Variants in UBAP2L observed in about 807,000 individuals in gnomAD.
UBAP2L encodes the protein ubiquitin associated protein 2 like, also known as ubiquitin-associated protein 2-like.
Under a neutral mutation model 130.6 loss-of-function variants are expected in UBAP2L, and 12 were observed. The observed-to-expected ratio is 0.09, with a 90% confidence interval of 0.06 to 0.15. UBAP2L has a LOEUF of 0.15. Ranked by LOEUF, UBAP2L falls within the 10% of genes least tolerant of loss-of-function variation. The pLI is 1.00. For synonymous variants in UBAP2L, 503 were observed against 524.7 expected, an observed-to-expected ratio of 0.96 and a Z score of 0.57; for missense variants, 965 against 1,332.5, an observed-to-expected ratio of 0.72 and a Z score of 4.29.
chr1:154,249,175 C>CT lies in UBAP2L; in HGVS notation c.1015-61dup, dbSNP rs770728225. 1.2e-4 allele frequency: 186 copies of CT among 1,541,716 alleles called. 2 individuals carry two copies. The Middle Eastern group carries it at 1.9e-3, about 15-fold the overall frequency. On this transcript the variant is annotated intron_variant, in intron 11 of 26. Coordinates refer to ENST00000428931, the MANE Select transcript of UBAP2L (RefSeq NM_014847.4). ...ACTGGCTCTCGGTCTGGATAAGTGT[C>CT]TTTATGAGTAGCTGAACAAGGTTAC... is the stretch of plus-strand genomic sequence containing the variant.
intron 6 of UBAP2L, 126 bp downstream of exon 6, chr1:154,235,417 G>A: frequency 3.4e-6 from 2 of 582,188 alleles, no homozygotes; most frequent in South Asian, 4.5e-5. Context: ...CAGTGGCACA[G>A]TCATAGCTCA....
upstream of UBAP2L, chr1:154,220,420 T>G: frequency 1.2e-6 from 2 of 1,614,136 alleles, no homozygotes; most frequent in South Asian, 1.1e-5. Flanking sequence ...CCTCCCTACC[T>G]CGCGCAGAAT....
Position 154,257,070 on chromosome 1 carries a change from G to C in UBAP2L, c.2165G>C (p.Ser722Thr). The C allele has an allele frequency of 6.2e-7, 1 of 1,613,404 alleles. No homozygotes were observed. Among genetic ancestry groups the C allele is most frequent in the Non-Finnish European group, 8.5e-7 (1 of 1,179,984 alleles). ...RTSTSTLLHT[S>T]VESEANLHSS... Reference sequence around the variant, plus strand: ...CTGCTCCCCCTTTTGAAGCACACAAGTGTGGAGAGTGAGGCGAATCTCCAT... The same window carrying C: ...CTGCTCCCCCTTTTGAAGCACACAACTGTGGAGAGTGAGGCGAATCTCCAT... Residue 722 changes from serine (S) to threonine (T), a missense_variant, in exon 19 of 27, where the codon AGT (serine) becomes ACT (threonine). Ser to Thr is a moderately conservative substitution (Grantham distance 58, BLOSUM62 1). Around this residue, in one of 9 missense-constraint regions of UBAP2L, gnomAD observed 393 missense variants for 408.1 expected, o/e 0.96. Coordinates refer to ENST00000428931, the MANE Select transcript of UBAP2L (RefSeq NM_014847.4).
At chr1:154,262,736 A>AT (rs1681968183) in intron 24 of UBAP2L, among the ~76,000 whole-genome samples, 1 of 152,142 alleles carries the variant, frequency 6.6e-6, no homozygotes, top group Admixed American at 6.6e-5. Context: ...CATGAGTTAA[A>AT]TTAAACAAAT....
chr1:154,236,749 C>T (rs1671819849), intron 7 of UBAP2L, 138 bp downstream of exon 7: 2 of 835,074 alleles, frequency 2.4e-6, no homozygotes, highest in East Asian at 4.9e-5. Flanking sequence ...TAGGGATAAA[C>T]CTTTACCACC....
chr1:154,245,995 G>T (rs1256824075), intron 10 of UBAP2L, among the ~76,000 whole-genome samples: 1 of 152,150 alleles, frequency 6.6e-6, no homozygotes, highest in Non-Finnish European at 1.5e-5. Flanking sequence ...ATTATTATTG[G>T]CAACATCAGT....
chr1:154,226,565 C>CT (rs542096417), intron 2 of UBAP2L, among the ~76,000 whole-genome samples: 133 of 152,286 alleles, frequency 8.7e-4, no homozygotes, highest in African/African-American at 2.6e-3. Context: ...TGAACATACA[C>CT]TGGATATATA....
rs773271121 is a variant in UBAP2L, at chr1:154,228,777, G to A, written c.279+52G>A. ...ACATGGGTCCTCAATTGGGAGGCTAGTAATGTTCTAAAAGTAGCAAATGGC... is the reference window on the plus strand; with the variant it reads ...ACATGGGTCCTCAATTGGGAGGCTAATAATGTTCTAAAAGTAGCAAATGGC... On this transcript the variant is annotated intron_variant, in intron 4 of 26. Coordinates refer to ENST00000428931, the MANE Select transcript of UBAP2L (RefSeq NM_014847.4). 9 of 1,403,236 alleles carry A rather than the reference G, an allele frequency of 6.4e-6. No individual in the cohort carries two copies. In the East Asian group the frequency reaches 1.2e-4, roughly 18 times the overall value. 86.9% of individuals were successfully genotyped at this position (1,403,236 alleles called of 1,614,324 possible).
intron 4 of UBAP2L, among the ~76,000 whole-genome samples, chr1:154,234,335 C>G (rs916841613): frequency 1.3e-5 from 2 of 151,680 alleles, no homozygotes; most frequent in South Asian, 4.2e-4. Flanking sequence ...TGCACTCCAG[C>G]CTGGGCAACA....
Position 154,260,879 on chromosome 1 carries a change from T to A in UBAP2L, c.2579-13T>A. 1 of 1,613,704 alleles carries A rather than the reference T, an allele frequency of 6.2e-7. No homozygotes were observed. The highest frequency in any genetic ancestry group is 8.5e-7 in the Non-Finnish European group (1 of 1,179,674). Reference sequence around the variant, plus strand: ...GTGAAAGAGGCAGGTACATTTAGCTTCTCCTGTCACAGGTGACCTCACAAA... The same window carrying A: ...GTGAAAGAGGCAGGTACATTTAGCTACTCCTGTCACAGGTGACCTCACAAA... On this transcript the variant is annotated splice_polypyrimidine_tract_variant and intron_variant, in intron 22 of 26. Transcript: ENST00000428931.
chr1:154,238,007 C>G (rs1054802684), intron 8 of UBAP2L, among the ~76,000 whole-genome samples: 49 of 152,240 alleles, frequency 3.2e-4, no homozygotes, highest in African/African-American at 1.1e-3. Context: ...TTTCCTCTTA[C>G]AAAGGGGGAT....
chr1:154,227,023 A>G (rs976585449), intron 2 of UBAP2L, among the ~76,000 whole-genome samples: 1 of 152,130 alleles, frequency 6.6e-6, no homozygotes, highest in African/African-American at 2.4e-5. Flanking sequence ...GGGTTTTGCC[A>G]TGTTGGCCAG....
chr1:154,260,751 C>A, intron 22 of UBAP2L, 141 bp from the exon 23 acceptor site: 1 of 793,702 alleles, frequency 1.3e-6, no homozygotes, highest in Non-Finnish European at 2.0e-6. Flanking sequence ...ATAATTGGAG[C>A]CACTAAGAAA....
rs767094142 is a variant in UBAP2L at position 154,266,541 on chromosome 1, C to A, written c.2943C>A (p.Ile981=). Residue 981 remains isoleucine, a synonymous_variant, in exon 25 of 27, where the codon ATC becomes ATA. Coordinates refer to ENST00000428931, the MANE Select transcript of UBAP2L (RefSeq NM_014847.4). The stretch of plus-strand genomic sequence containing the variant: ...CCAGTAACACGGGCGTGCCAGATAT[C>A]TCGGGTTCTGTGTACTCCAAAACCC... The part of the protein sequence containing the change: ...VTSSNTGVPD[I]SGSVYSKTQQ... The A allele has an allele frequency of 6.2e-7, 1 of 1,614,162 alleles. No individual in the cohort carries two copies. Among genetic ancestry groups the A allele is most frequent in the Admixed American group, 1.7e-5 (1 of 60,014 alleles).
chr1:154,265,094 AGTTCC>A lies in UBAP2L; in HGVS notation c.2903-1403_2903-1399del, dbSNP rs142279027. On this transcript the variant is annotated intron_variant, in intron 24 of 26. Coordinates refer to ENST00000428931, the MANE Select transcript of UBAP2L (RefSeq NM_014847.4). ...TATTTTCTCTTGCTTGGTTTTCTGT[AGTTCC>A]GTTATTTTTCCTAGTTAGTGTTTGC... Among the ~76,000 whole-genome samples the A allele has an allele frequency of 9.2e-5, 14 of 152,304 alleles. No individual in the cohort carries two copies. In the East Asian group the frequency reaches 1.9e-3, roughly 21 times the overall value.
intron 18 of UBAP2L, 85 bp from the exon 19 acceptor site, chr1:154,256,978 C>T: frequency 6.8e-7 from 1 of 1,465,106 alleles, no homozygotes; most frequent in Non-Finnish European, 9.2e-7. Flanking sequence ...ATAATATATT[C>T]AGCAGGAGGG....
At chr1:154,231,132 T>C (rs1669703402) in intron 4 of UBAP2L, among the ~76,000 whole-genome samples, 2 of 152,024 alleles carry the variant, frequency 1.3e-5, no homozygotes, top group African/African-American at 2.4e-5. Context: ...GGTAATCTTT[T>C]TAAAACAAAT....
chr1:154,267,204 A>G (rs1176697281), intron 25 of UBAP2L, among the ~76,000 whole-genome samples: 3 of 125,052 alleles, frequency 2.4e-5, no homozygotes, highest in Non-Finnish European at 3.1e-5. Context: ...CACCCAGGCT[A>G]GAGTGCAGTG....
intron 1 of UBAP2L, 102 bp from the exon 2 acceptor site, chr1:154,224,982 C>A: frequency 3.0e-6 from 2 of 663,686 alleles, no homozygotes; most frequent in Middle Eastern, 3.9e-4. Context: ...TTGATTTGTT[C>A]CTTTGAAGAA....
Sources: allele counts gnomAD v4.1 joint callset (sites outside exome capture counted in the v4.1 genomes callset), GRCh38; gene constraint gnomAD v4.1.1; regional missense constraint gnomAD v4.1.1; transcripts MANE v1.5; gene names NCBI Gene and HGNC (gene_info 2026-07-23, HGNC 2026-07-21).